Variants in CUEDC1 observed in about 807,000 individuals in gnomAD.
CUEDC1 encodes CUE domain containing 1, also known as CUE domain-containing protein 1.
CUEDC1 carries 30 observed loss-of-function variants against 43.7 expected under a neutral mutation model. The observed-to-expected ratio is 0.69, with a 90% CI of 0.51 to 0.93. The LOEUF (loss-of-function observed/expected upper bound fraction) is 0.93. Among genes scored for constraint, CUEDC1 ranks in the 40% least tolerant of loss-of-function variants. The pLI is 0.00. For synonymous variants in CUEDC1, 223 were observed against 223.6 expected (o/e 1.00, Z 0.02); for missense variants, 486 against 549.0 (o/e 0.89, Z 1.15).
intron 1 of CUEDC1, among the ~76,000 whole-genome samples, chr17:57,940,848 C>T (rs1254051258): frequency 2.0e-5 from 3 of 152,156 alleles, no homozygotes; most frequent in African/African-American, 7.2e-5. Flanking sequence ...CTCATAAGCC[C>T]CACTTGGGAC....
chr17:57,914,579 T>C (rs1462067392), intron 1 of CUEDC1, among the ~76,000 whole-genome samples: 1 of 152,174 alleles, frequency 6.6e-6, no homozygotes, highest in Non-Finnish European at 1.5e-5. Flanking sequence ...CAGTCCCAAC[T>C]GGGAGCTCCT....
intron 1 of CUEDC1, chr17:57,903,185 C>G (rs1032541036): frequency 6.6e-6 from 1 of 152,492 alleles, no homozygotes. Flanking sequence ...CACCTCAGCT[C>G]TGAGCTGGGC....
chr17:57,953,764 G>A (rs1293859637), intron 1 of CUEDC1, among the ~76,000 whole-genome samples: 3 of 152,160 alleles, frequency 2.0e-5, no homozygotes, highest in East Asian at 1.9e-4. Context: ...GGCCATCCTC[G>A]CTGTCCAGGG....
At chr17:57,866,372 T>G in intron 10 of CUEDC1, 102 bp downstream of exon 10, 6 of 1,084,626 alleles carry the variant, frequency 5.5e-6, no homozygotes, top group Non-Finnish European at 6.9e-6. Flanking sequence ...CCCAGTTGCC[T>G]GAGCCCAGCG....
At chr17:57,870,550 AG>A (rs371474012) in intron 6 of CUEDC1, among the ~76,000 whole-genome samples, 137 of 152,254 alleles carry the variant, frequency 9.0e-4, no homozygotes, top group African/African-American at 3.1e-3. Flanking sequence ...GTAAGTCCTC[AG>A]CTTTGCTAGT....
intron 1 of CUEDC1, among the ~76,000 whole-genome samples, chr17:57,917,405 G>A (rs1262650023): frequency 6.6e-6 from 1 of 152,228 alleles, no homozygotes; most frequent in Non-Finnish European, 1.5e-5. Context: ...ATCCTGGGAC[G>A]AAGGGGCAAG....
intron 1 of CUEDC1, among the ~76,000 whole-genome samples, chr17:57,939,962 G>T (rs1435353007): frequency 6.6e-6 from 1 of 151,906 alleles, no homozygotes; most frequent in East Asian, 1.9e-4. Flanking sequence ...GCACTTGGGA[G>T]ACCAGGCACT....
intron 1 of CUEDC1, among the ~76,000 whole-genome samples, chr17:57,917,193 A>G (rs1207476158): frequency 6.6e-6 from 1 of 151,828 alleles, no homozygotes; most frequent in African/African-American, 2.4e-5. Context: ...CCACTGGGCT[A>G]TGGGGAAATG....
intron 1 of CUEDC1, among the ~76,000 whole-genome samples, chr17:57,889,575 G>A (rs1045927604): frequency 1.3e-5 from 2 of 152,222 alleles, no homozygotes; most frequent in African/African-American, 4.8e-5. Context: ...CACATTACAG[G>A]TGAAGAGCCT....
chr17:57,943,695 C>T (rs1011794399), intron 1 of CUEDC1, among the ~76,000 whole-genome samples: 5 of 152,078 alleles, frequency 3.3e-5, no homozygotes, highest in African/African-American at 1.2e-4. Context: ...ATGCAACCCT[C>T]AAAGCAGATA....
intron 1 of CUEDC1, among the ~76,000 whole-genome samples, chr17:57,898,734 T>A (rs2074439705): frequency 6.6e-6 from 1 of 151,142 alleles, no homozygotes; most frequent in South Asian, 2.1e-4. Context: ...CTGAAGGGAG[T>A]GAATGTGGAG....
At chr17:57,889,076 A>C (rs969212600) in intron 1 of CUEDC1, among the ~76,000 whole-genome samples, 1 of 152,346 alleles carries the variant, frequency 6.6e-6, no homozygotes, top group Middle Eastern at 3.4e-3. Flanking sequence ...GCACCAGTTC[A>C]GACAAGGCCT....
intron 1 of CUEDC1, among the ~76,000 whole-genome samples, chr17:57,915,366 C>T (rs563944328): frequency 6.6e-6 from 1 of 152,040 alleles, no homozygotes; most frequent in African/African-American, 2.4e-5. Flanking sequence ...CAACTGGGCT[C>T]TAGCTCCCAT....
chr17:57,931,302 GAAAC>G (rs2074801766), intron 1 of CUEDC1, among the ~76,000 whole-genome samples: 1 of 151,908 alleles, frequency 6.6e-6, no homozygotes, highest in African/African-American at 2.4e-5. Flanking sequence ...AAAGAAAAAA[GAAAC>G]AAACAAAAAA....
intron 1 of CUEDC1, among the ~76,000 whole-genome samples, chr17:57,886,128 G>A (rs1312325906): frequency 6.6e-6 from 1 of 152,150 alleles, no homozygotes; most frequent in Non-Finnish European, 1.5e-5. Flanking sequence ...TGCTCTATGT[G>A]GGCCAACTCA....
At chr17:57,880,205 T>C (rs1169417856) in intron 2 of CUEDC1, among the ~76,000 whole-genome samples, 1 of 152,218 alleles carries the variant, frequency 6.6e-6, no homozygotes, top group Non-Finnish European at 1.5e-5. Flanking sequence ...GTGTGACTCA[T>C]GTGCTCCTGT....
intron 1 of CUEDC1, among the ~76,000 whole-genome samples, chr17:57,910,757 A>G (rs2074574499): frequency 6.6e-6 from 1 of 152,090 alleles, no homozygotes; most frequent in Non-Finnish European, 1.5e-5. Context: ...CCTTTCTTAT[A>G]TTTTTCCACA....
chr17:57,900,707 G>A (rs1471417047), intron 1 of CUEDC1, among the ~76,000 whole-genome samples: 6 of 152,276 alleles, frequency 3.9e-5, no homozygotes, highest in Non-Finnish European at 7.4e-5. Flanking sequence ...CCAGGACTGC[G>A]CCACATTGAA....
At chr17:57,879,435 C>T (rs1164106992) in intron 3 of CUEDC1, among the ~76,000 whole-genome samples, 176 bp downstream of exon 3, 1 of 152,210 alleles carries the variant, frequency 6.6e-6, no homozygotes, top group Non-Finnish European at 1.5e-5. Context: ...CTCTTGCAAT[C>T]CTTACATTTT....
Sources: gnomAD v4.1 joint callset for allele counts (sites outside exome capture counted in the v4.1 genomes callset) on GRCh38, gnomAD v4.1.1 for gene constraint, MANE v1.5 for transcripts, NCBI Gene and HGNC (gene_info 2026-07-23, HGNC 2026-07-21) for gene names.